Variants in FSTL5 observed in about 807,000 individuals in gnomAD.
FSTL5 encodes the protein follistatin like 5.
In FSTL5, 62 loss-of-function variants were observed where a neutral mutation model predicts 89.1. The observed-to-expected ratio is 0.70, with a 90% CI of 0.57 to 0.86. FSTL5 has a LOEUF of 0.86. FSTL5 is among the 40% of genes least tolerant of loss of function. The pLI, the probability that FSTL5 is intolerant of heterozygous loss-of-function variation, is 0.00. For missense variants in FSTL5, 1,057 were observed against 1,001.6 expected, an observed-to-expected ratio of 1.06 and a Z score of -0.75; for synonymous variants, 383 against 346.2, an observed-to-expected ratio of 1.11 and a Z score of -1.18.
intron 6 of FSTL5, among the ~76,000 whole-genome samples, chr4:161,668,859 C>G (rs558389593): frequency 6.6e-6 from 1 of 151,996 alleles, no homozygotes; most frequent in African/African-American, 2.4e-5. Flanking sequence ...CGCCTGTAAT[C>G]CCAGCACTTT....
intron 2 of FSTL5, among the ~76,000 whole-genome samples, chr4:162,095,901 A>G (rs996189391): frequency 4.6e-5 from 7 of 151,984 alleles, no homozygotes; most frequent in African/African-American, 1.7e-4. Flanking sequence ...AAACAAGTAC[A>G]TTAGAAAAAT....
At chr4:161,917,426 G>A (rs538825928) in intron 4 of FSTL5, among the ~76,000 whole-genome samples, 1 of 152,048 alleles carries the variant, frequency 6.6e-6, no homozygotes, top group Non-Finnish European at 1.5e-5. Flanking sequence ...TTTGTGAGAT[G>A]CATTTGTCAG....
intron 12 of FSTL5, among the ~76,000 whole-genome samples, chr4:161,498,143 GAAAT>G (rs1353290970): frequency 6.6e-6 from 1 of 151,794 alleles, no homozygotes; most frequent in African/African-American, 2.4e-5. Flanking sequence ...GATACATAGA[GAAAT>G]AATATGTGTA....
chr4:161,462,217 T>A (rs1733607028), intron 13 of FSTL5, among the ~76,000 whole-genome samples: 1 of 152,238 alleles, frequency 6.6e-6, no homozygotes, highest in Non-Finnish European at 1.5e-5. Context: ...ATAGTCTGTG[T>A]TCCTTTCCAA....
At chr4:161,493,056 A>T (rs1335461083) in intron 12 of FSTL5, among the ~76,000 whole-genome samples, 1 of 151,984 alleles carries the variant, frequency 6.6e-6, no homozygotes, top group Non-Finnish European at 1.5e-5. Context: ...TTAAATTGAA[A>T]TTGTGAGAAC....
At chr4:162,115,102 G>T (rs1579039863) in intron 1 of FSTL5, among the ~76,000 whole-genome samples, 1 of 152,120 alleles carries the variant, frequency 6.6e-6, no homozygotes, top group African/African-American at 2.4e-5. Context: ...GAGCTCAGCA[G>T]TGCAGAGGTA....
intron 4 of FSTL5, among the ~76,000 whole-genome samples, chr4:161,861,153 T>C (rs1171665141): frequency 6.6e-6 from 1 of 152,234 alleles, no homozygotes; most frequent in African/African-American, 2.4e-5. Context: ...CCAGGCATGA[T>C]GGCTCACGTC....
At chr4:161,630,920 A>C (rs1173877877) in intron 7 of FSTL5, among the ~76,000 whole-genome samples, 1 of 152,120 alleles carries the variant, frequency 6.6e-6, no homozygotes, top group African/African-American at 2.4e-5. Context: ...ATAACTTTTA[A>C]CTGTTTTCTT....
chr4:162,116,583 T>C (rs1390679989), intron 1 of FSTL5, among the ~76,000 whole-genome samples: 1 of 151,822 alleles, frequency 6.6e-6, no homozygotes, highest in Non-Finnish European at 1.5e-5. Flanking sequence ...TGGCTGGAGG[T>C]TGGGGAGGCT....
chr4:161,863,030 AT>A (rs35895735), intron 4 of FSTL5, among the ~76,000 whole-genome samples: 37 of 152,266 alleles, frequency 2.4e-4, no homozygotes, highest in African/African-American at 8.7e-4. Context: ...TGGAAAGCCC[AT>A]TTTTTGCAGA....
intron 12 of FSTL5, among the ~76,000 whole-genome samples, chr4:161,499,052 A>AT (rs1730198946): frequency 1.3e-5 from 2 of 151,938 alleles, no homozygotes; most frequent in African/African-American, 4.8e-5. Flanking sequence ...AAATACAGAA[A>AT]TTAGCTGGGC....
intron 3 of FSTL5, among the ~76,000 whole-genome samples, chr4:162,007,147 G>C (rs1315784781): frequency 6.6e-6 from 1 of 151,722 alleles, no homozygotes; most frequent in Admixed American, 6.6e-5. Context: ...ATTTTAAAAA[G>C]ATAGTTGTTT....
chr4:161,813,613 G>A (rs1730233423), intron 4 of FSTL5, among the ~76,000 whole-genome samples: 1 of 152,108 alleles, frequency 6.6e-6, no homozygotes, highest in South Asian at 2.1e-4. Context: ...GCTGTGTACT[G>A]GTGTGTTGTA....
At chr4:161,895,060 T>C (rs1733111879) in intron 4 of FSTL5, among the ~76,000 whole-genome samples, 1 of 152,184 alleles carries the variant, frequency 6.6e-6, no homozygotes, top group African/African-American at 2.4e-5. Flanking sequence ...CCTTGTGAGG[T>C]AGCTATTATT....
chr4:161,606,916 G>A (rs1734467516), intron 7 of FSTL5, among the ~76,000 whole-genome samples: 1 of 152,094 alleles, frequency 6.6e-6, no homozygotes, highest in Admixed American at 6.5e-5. Flanking sequence ...TATAAATATT[G>A]AGTCCACCAA....
intron 4 of FSTL5, among the ~76,000 whole-genome samples, chr4:161,811,626 T>G (rs1730149878): frequency 6.6e-6 from 1 of 152,014 alleles, no homozygotes; most frequent in South Asian, 2.1e-4. Context: ...AAAGCCTACT[T>G]GTTGATTATA....
chr4:161,742,998 A>G (rs762547516), intron 6 of FSTL5, among the ~76,000 whole-genome samples: 3 of 152,096 alleles, frequency 2.0e-5, no homozygotes, highest in African/African-American at 4.8e-5. Flanking sequence ...GCAGTTTCCT[A>G]CCATTCCTTG....
intron 4 of FSTL5, among the ~76,000 whole-genome samples, chr4:161,844,059 T>A (rs1731292861): frequency 6.6e-6 from 1 of 152,164 alleles, no homozygotes; most frequent in African/African-American, 2.4e-5. Context: ...GGCAAAGGGC[T>A]AATATCCAGA....
intron 6 of FSTL5, among the ~76,000 whole-genome samples, chr4:161,749,151 T>A (rs780084744): frequency 2.6e-5 from 4 of 152,134 alleles, no homozygotes; most frequent in Non-Finnish European, 5.9e-5. Context: ...AACTACCATT[T>A]GACCCATCAA....
Sources: gnomAD v4.1 joint callset for allele counts (sites outside exome capture counted in the v4.1 genomes callset) on GRCh38, gnomAD v4.1.1 for gene constraint, MANE v1.5 for transcripts, NCBI Gene and HGNC (gene_info 2026-07-23, HGNC 2026-07-21) for gene names.